RGS20: variants seen among roughly 807,000 people sequenced by gnomAD.
RGS20 encodes the protein regulator of G protein signaling 20.
Under a neutral mutation model 33.6 loss-of-function variants are expected in RGS20, and 30 were observed. The observed-to-expected ratio is 0.89, with a 90% CI of 0.67 to 1.21. RGS20 has a LOEUF of 1.21. RGS20 is among the 50% of genes most tolerant of loss of function. RGS20 has a pLI of 0.00. For synonymous variants in RGS20, 208 were observed against 197.9 expected, an observed-to-expected ratio of 1.05 and a Z score of -0.43; for missense variants, 472 against 502.4, an observed-to-expected ratio of 0.94 and a Z score of 0.58.
intron 2 of RGS20, among the ~76,000 whole-genome samples, chr8:53,888,837 C>G (rs1812620480): frequency 6.6e-6 from 1 of 152,188 alleles, no homozygotes; most frequent in Non-Finnish European, 1.5e-5. Flanking sequence ...ATATTTGCAT[C>G]TGGTTCTTTA....
intron 2 of RGS20, among the ~76,000 whole-genome samples, chr8:53,894,342 A>T (rs1380594371): frequency 1.3e-5 from 2 of 152,238 alleles, no homozygotes; most frequent in Non-Finnish European, 2.9e-5. Context: ...TCTAAAATTC[A>T]GTAGATATTT....
At chr8:53,928,963 T>C (rs898144299) in intron 2 of RGS20, among the ~76,000 whole-genome samples, 1 of 152,228 alleles carries the variant, frequency 6.6e-6, no homozygotes, top group Non-Finnish European at 1.5e-5. Flanking sequence ...AGTGGAATCC[T>C]GCTCAGGAAT....
At position 53,954,317 on chromosome 8, in the gene RGS20, G is replaced by A; in HGVS notation, c.978+7G>A. 3.2e-6 allele frequency: 5 copies of A among 1,557,912 alleles called. No individual in the cohort carries two copies. The highest frequency in any genetic ancestry group is 3.5e-6 in the Non-Finnish European group (4 of 1,130,852). ...TATACTTTCTCCTAAGGAGGTATGTGACCACGAGATGCCTTTTCCCAAGGC... is the reference window on the plus strand; with the variant it reads ...TATACTTTCTCCTAAGGAGGTATGTAACCACGAGATGCCTTTTCCCAAGGC... On this transcript the variant is annotated splice_region_variant and intron_variant, in intron 5 of 5. Transcript: ENST00000297313.
intron 2 of RGS20, among the ~76,000 whole-genome samples, chr8:53,930,541 G>A (rs1386127204): frequency 6.6e-6 from 1 of 151,928 alleles, no homozygotes; most frequent in African/African-American, 2.4e-5. Flanking sequence ...ATTAGGATAT[G>A]GTTTTGTTTT....
chr8:53,909,252 T>C (rs1458135709), intron 2 of RGS20, among the ~76,000 whole-genome samples: 1 of 119,392 alleles, frequency 8.4e-6, no homozygotes, highest in East Asian at 2.4e-4. Flanking sequence ...TATATATATA[T>C]ATACTTTTTT....
rs188596960 is a variant in RGS20 at position 53,871,792 on chromosome 8, T to C, written c.166-7466T>C. On this transcript the variant is annotated intron_variant, in intron 1 of 5. Coordinates refer to ENST00000297313, the MANE Select transcript of RGS20 (RefSeq NM_170587.4). ...GATACCCTTTTCCACCTAGATATGG[T>C]TCAAACTCCTTAAATTGATTCAGTC... Among the ~76,000 whole-genome samples, 122 of 152,242 alleles carry C rather than the reference T, an allele frequency of 8.0e-4. 1 individual carries two copies. The highest frequency in any genetic ancestry group is 1.4e-3 in the Non-Finnish European group (95 of 68,014).
At chr8:53,854,351 C>T (rs1438995094) in intron 1 of RGS20, among the ~76,000 whole-genome samples, 2 of 151,874 alleles carry the variant, frequency 1.3e-5, no homozygotes, top group African/African-American at 4.8e-5. Context: ...ACACCTTGAA[C>T]CTAGAATAAT....
chr8:53,862,925 G>A (rs1811840554), intron 1 of RGS20, among the ~76,000 whole-genome samples: 1 of 152,210 alleles, frequency 6.6e-6, no homozygotes, highest in African/African-American at 2.4e-5. Flanking sequence ...AGGGGAGGGG[G>A]AAATAATGCC....
At chr8:53,933,228 C>G (rs1477219531) in intron 2 of RGS20, among the ~76,000 whole-genome samples, 1 of 152,148 alleles carries the variant, frequency 6.6e-6, no homozygotes, top group East Asian at 1.9e-4. Flanking sequence ...CAACTCGTTG[C>G]CAGCAAGGGA....
intron 2 of RGS20, among the ~76,000 whole-genome samples, chr8:53,938,004 T>C (rs1317700223): frequency 6.6e-6 from 1 of 152,146 alleles, no homozygotes; most frequent in Admixed American, 6.6e-5. Context: ...GAACCAGAAA[T>C]ACCATTTGGC....
At chr8:53,864,560 G>C (rs545394751) in intron 1 of RGS20, among the ~76,000 whole-genome samples, 3 of 151,956 alleles carry the variant, frequency 2.0e-5, no homozygotes, top group African/African-American at 2.4e-5. Flanking sequence ...GGCTGGGTTT[G>C]TAGCCAGTTT....
At chr8:53,868,857 A>T (rs1233908904) in intron 1 of RGS20, among the ~76,000 whole-genome samples, 2 of 152,000 alleles carry the variant, frequency 1.3e-5, no homozygotes, top group Non-Finnish European at 2.9e-5. Flanking sequence ...GGTTCAAGCA[A>T]TTATTCTGCC....
intron 2 of RGS20, among the ~76,000 whole-genome samples, chr8:53,929,638 A>T (rs1813899528): frequency 6.6e-6 from 1 of 152,212 alleles, no homozygotes; most frequent in Non-Finnish European, 1.5e-5. Flanking sequence ...ATTGCACTCC[A>T]GCCTGGGTGA....
At chr8:53,864,901 C>T (rs1050837369) in intron 1 of RGS20, among the ~76,000 whole-genome samples, 15 of 152,198 alleles carry the variant, frequency 9.9e-5, no homozygotes, top group African/African-American at 3.6e-4. Flanking sequence ...GTGCCAACCT[C>T]CAACTTCCCC....
chr8:53,887,187 C>T (rs1812574250), intron 2 of RGS20: 1 of 158,632 alleles, frequency 6.3e-6, no homozygotes, highest in South Asian at 1.8e-4. Flanking sequence ...CCCACTTCAC[C>T]TTCTTTCTCT....
At chr8:53,939,540 C>A in intron 2 of RGS20, 36 bp from the exon 2 acceptor site, 2 of 1,448,344 alleles carry the variant, frequency 1.4e-6, no homozygotes, top group African/African-American at 2.8e-5. Context: ...ACGCTGGAAC[C>A]CCCTCCCGCC....
At chr8:53,956,590 T>C (rs1814869472) in intron 5 of RGS20, among the ~76,000 whole-genome samples, 1 of 152,196 alleles carries the variant, frequency 6.6e-6, no homozygotes, top group South Asian at 2.1e-4. Flanking sequence ...ATGACTCCCA[T>C]ATGTCTGGTG....
At chr8:53,918,155 C>T (rs1813542888) in intron 2 of RGS20, among the ~76,000 whole-genome samples, 1 of 152,146 alleles carries the variant, frequency 6.6e-6, no homozygotes, top group South Asian at 2.1e-4. Flanking sequence ...AGCACAGTCA[C>T]AAAGTTGTGC....
At chr8:53,894,675 A>C (rs1304496998) in intron 2 of RGS20, among the ~76,000 whole-genome samples, 1 of 152,156 alleles carries the variant, frequency 6.6e-6, no homozygotes, top group Non-Finnish European at 1.5e-5. Context: ...CTTGAACCAC[A>C]TGATCTAGAT....
Sources: gnomAD v4.1 joint callset for allele counts (sites outside exome capture counted in the v4.1 genomes callset) on GRCh38, gnomAD v4.1.1 for gene constraint, MANE v1.5 for transcripts, NCBI Gene and HGNC (gene_info 2026-07-23, HGNC 2026-07-21) for gene names.